The following ATP2B2 variants were observed in gnomAD, a reference collection of about 807,000 sequenced individuals.
ATP2B2 encodes ATPase plasma membrane Ca2+ transporting 2.
ATP2B2 carries 15 observed loss-of-function variants against 120.0 expected under a neutral mutation model. That is an observed-to-expected ratio of 0.12 (90% confidence interval 0.08 to 0.19). The LOEUF is 0.19. ATP2B2 is among the 10% of genes least tolerant of loss of function. The pLI is 1.00. For missense variants in ATP2B2, 1,045 were observed against 1,719.8 expected (o/e 0.61, Z 6.94); for synonymous variants, 694 against 700.3 (o/e 0.99, Z 0.14).
At chr3:10,451,121 C>A (rs896172696) in intron 1 of ATP2B2, among the ~76,000 whole-genome samples, 1 of 152,236 alleles carries the variant, frequency 6.6e-6, no homozygotes, top group Non-Finnish European at 1.5e-5. Context: ...CAGCCGGGAA[C>A]TTGAAGCTCA....
intron 1 of ATP2B2, among the ~76,000 whole-genome samples, chr3:10,703,502 G>A (rs1396546795): frequency 2.0e-5 from 3 of 152,130 alleles, no homozygotes; most frequent in Non-Finnish European, 4.4e-5. Context: ...CAAATTGTTG[G>A]AGGAGTGTGG....
At chr3:10,585,492 T>TAAAAAAAAA (rs2068486700) in intron 2 of ATP2B2, among the ~76,000 whole-genome samples, 1 of 30,186 alleles carries the variant, frequency 3.3e-5, no homozygotes, top group Admixed American at 4.4e-4. Context: ...AGACTCCGTC[T>TAAAAAAAAA]GAAAAAAAAA....
intron 2 of ATP2B2, among the ~76,000 whole-genome samples, chr3:10,557,823 A>G (rs17509411): frequency 0.15 from 22,875 of 152,142 alleles, 2,074 homozygotes; most frequent in East Asian, 0.2. Flanking sequence ...TTGCTATACC[A>G]TCCTGCTAAG....
Position 10,635,513 on chromosome 3 carries a change from C to T in ATP2B2, c.-459-15552G>A, listed in dbSNP as rs1427395427. 1.3e-5 allele frequency among the ~76,000 whole-genome samples: 2 copies of T among 152,236 alleles called. No homozygotes were observed. The highest frequency in any genetic ancestry group is 2.9e-5 in the Non-Finnish European group (2 of 68,010). On this transcript the variant is annotated intron_variant, in intron 1 of 21. Coordinates refer to the ATP2B2 transcript ENST00000646379. The surrounding 1 kb of genome is among the most constrained non-coding windows in gnomAD (Gnocchi z 4.3). ...CTTACGTGCCAGAGACTCTAAAGCCCATCCTGTTCCCCTCTCCCTCTCCAG... is the reference window on the plus strand; with the variant it reads ...CTTACGTGCCAGAGACTCTAAAGCCTATCCTGTTCCCCTCTCCCTCTCCAG...
chr3:10,381,372 G>C (rs932770297), intron 8 of ATP2B2, among the ~76,000 whole-genome samples: 1 of 152,192 alleles, frequency 6.6e-6, no homozygotes, highest in African/African-American at 2.4e-5. Context: ...GGCACCAGGG[G>C]ACTCCACTTC....
chr3:10,700,347 G>C (rs1004039549), intron 1 of ATP2B2, among the ~76,000 whole-genome samples: 20 of 152,248 alleles, frequency 1.3e-4, no homozygotes, highest in Non-Finnish European at 2.6e-4. Context: ...CTCCACCCAA[G>C]CCACTCAACA....
At chr3:10,697,636 G>C (rs939801738) in intron 1 of ATP2B2, among the ~76,000 whole-genome samples, 4 of 152,160 alleles carry the variant, frequency 2.6e-5, no homozygotes, top group African/African-American at 9.7e-5. Flanking sequence ...GGCACATACA[G>C]TCTGCCTTAG....
intron 2 of ATP2B2, among the ~76,000 whole-genome samples, chr3:10,539,561 C>T (rs1385402882): frequency 6.6e-6 from 1 of 152,138 alleles, no homozygotes; most frequent in Admixed American, 6.5e-5. Context: ...GAAATAATAC[C>T]ACAAATCTAC....
Position 10,350,429 on chromosome 3 carries a change from A to C in ATP2B2, c.2285T>G (p.Phe762Cys). The part of the protein sequence containing the change: ...EDFLCLEGKE[F>C]NRRIRNEKGE... ...CTTCTCGTTGCGGATCCTCCTGTTG[A>C]ACTCCTTGCCCTCGAGGCACAGAAA... The change falls in exon 15 of 23, where the codon TTC (phenylalanine) becomes TGC (cysteine). Residue 762 changes from phenylalanine to cysteine, a missense_variant. This residue lies in a region of ATP2B2 where 343 missense variants were observed against 536.8 expected (regional missense o/e 0.64). Transcript: ENST00000360273. The C allele has an allele frequency of 6.2e-7, 1 of 1,614,144 alleles. No individual in the cohort carries two copies. The highest frequency in any genetic ancestry group is 8.5e-7 in the Non-Finnish European group (1 of 1,180,012).
chr3:10,707,786 T>A (rs1165618774), intron 1 of ATP2B2: 1 of 151,022 alleles, frequency 6.6e-6, no homozygotes, highest in Non-Finnish European at 1.5e-5. Context: ...CGGCTCACGC[T>A]CCCGCCCTGG....
chr3:10,488,234 T>TATCCATCCATCC (rs1277279094), intron 1 of ATP2B2, among the ~76,000 whole-genome samples: 57 of 107,520 alleles, frequency 5.3e-4, no homozygotes, highest in Middle Eastern at 5.1e-3. Flanking sequence ...CTCATCCACC[T>TATCCATCCATCC]ATCCATCCAT....
At chr3:10,373,902 G>A (rs547749192) in intron 11 of ATP2B2, among the ~76,000 whole-genome samples, 10 of 152,156 alleles carry the variant, frequency 6.6e-5, no homozygotes, top group Non-Finnish European at 8.8e-5. Flanking sequence ...AATTGCACAC[G>A]TGGCTCACAT....
intron 12 of ATP2B2, among the ~76,000 whole-genome samples, chr3:10,365,888 C>T (rs1050512108): frequency 7.8e-3 from 1 of 128 alleles, no homozygotes; most frequent in East Asian, 0.25. Flanking sequence ...GTGTGCATAT[C>T]AGGGTGAAAG....
chr3:10,631,488 T>C (rs1264532294), intron 1 of ATP2B2, among the ~76,000 whole-genome samples: 1 of 152,216 alleles, frequency 6.6e-6, no homozygotes, highest in East Asian at 1.9e-4. Context: ...AGGCCTCCAA[T>C]TGAGCTCATT....
Position 10,346,180 on chromosome 3 carries a change from G to A in ATP2B2, c.2405-43C>T, listed in dbSNP as rs762979627. On this transcript the variant is annotated intron_variant, in intron 16 of 22. Coordinates refer to ENST00000360273, the MANE Select transcript of ATP2B2 (RefSeq NM_001001331.4). The surrounding 1 kb of genome is among the most constrained non-coding windows in gnomAD (Gnocchi z 4.1). ...TGCTCAGGCCCTGGGCCACTCAGGT[G>A]GGAGGCAGCCTGGGCCAGCCCTGGT... is the stretch of plus-strand genomic sequence containing the variant. 1.9e-6 allele frequency: 3 copies of A among 1,595,262 alleles called. No individual in the cohort carries two copies. Among genetic ancestry groups the A allele is most frequent in the Non-Finnish European group, 2.6e-6 (3 of 1,171,858 alleles).
At position 10,402,471 on chromosome 3, in the gene ATP2B2, C is replaced by T; in HGVS notation, c.398-123G>A. 7.0e-7 allele frequency: 1 copy of T among 1,429,700 alleles called. No homozygotes were observed. Among genetic ancestry groups the T allele is most frequent in the South Asian group, 1.2e-5 (1 of 86,086 alleles). The allele number at this position is 1,429,700 out of a possible 1,614,324, so 88.6% of individuals were successfully genotyped here. ...TTAAGAATCAGATGATAATTATCCA[C>T]TTACTCAGTGTGTCTGGGTACCAAG... is the stretch of plus-strand genomic sequence containing the variant. On this transcript the variant is annotated intron_variant, in intron 3 of 22. Transcript: ENST00000360273. The surrounding 1 kb of genome is among the most constrained non-coding windows in gnomAD (Gnocchi z 4.9).
intron 3 of ATP2B2, among the ~76,000 whole-genome samples, chr3:10,526,621 T>A (rs1340608152): frequency 6.6e-6 from 1 of 152,144 alleles, no homozygotes; most frequent in African/African-American, 2.4e-5. Flanking sequence ...CCCAGACCCA[T>A]GCCCAGAACC....
At chr3:10,508,025 C>T (rs528094488), upstream of ATP2B2, among the ~76,000 whole-genome samples, 23 of 150,898 alleles carry the variant, frequency 1.5e-4, no homozygotes, top group South Asian at 6.3e-4. Context: ...CTGTCTGAGA[C>T]GGGCTGGGCT....
chr3:10,661,652 A>G (rs1158130237), intron 1 of ATP2B2, among the ~76,000 whole-genome samples: 1 of 152,252 alleles, frequency 6.6e-6, no homozygotes, highest in Non-Finnish European at 1.5e-5. Flanking sequence ...AAGAATCAAT[A>G]TCGTGAAAAT....
Sources: allele counts gnomAD v4.1 joint callset (sites outside exome capture counted in the v4.1 genomes callset), GRCh38; gene constraint gnomAD v4.1.1; regional missense constraint gnomAD v4.1.1; non-coding constraint Gnocchi (gnomAD v3.1); transcripts MANE v1.5; gene names NCBI Gene and HGNC (gene_info 2026-07-23, HGNC 2026-07-21).